Variants in CDH13 observed in about 807,000 individuals in gnomAD.
The protein encoded by CDH13 is cadherin-13.
Under a neutral mutation model 63.8 loss-of-function variants are expected in CDH13, and 24 were observed. That is an observed-to-expected ratio of 0.38 (90% CI 0.27 to 0.53). The LOEUF (loss-of-function observed/expected upper bound fraction) is 0.53. CDH13 is among the 20% of genes least tolerant of loss of function. CDH13 has a pLI of 0.85. For synonymous variants in CDH13, 503 were observed against 355.3 expected, an observed-to-expected ratio of 1.42 and a Z score of -4.67; for missense variants, 1,049 against 903.1, an observed-to-expected ratio of 1.16 and a Z score of -2.07.
At chr16:83,485,892 C>T (rs1162461220) in intron 6 of CDH13, among the ~76,000 whole-genome samples, 1 of 152,164 alleles carries the variant, frequency 6.6e-6, no homozygotes, top group African/African-American at 2.4e-5. Flanking sequence ...CTTGTAATCC[C>T]AGCACCCTTG....
chr16:83,601,396 C>G (rs1318105741), intron 7 of CDH13, among the ~76,000 whole-genome samples: 4 of 152,148 alleles, frequency 2.6e-5, no homozygotes, highest in African/African-American at 9.7e-5. Flanking sequence ...AAATCTTTGT[C>G]AAATATTGAG....
chr16:83,483,368 G>A (rs17758876), intron 6 of CDH13, among the ~76,000 whole-genome samples: 2 of 151,884 alleles, frequency 1.3e-5, no homozygotes, highest in Admixed American at 6.6e-5. Flanking sequence ...AATATTCCAG[G>A]ATAATTTTGT....
At position 83,366,145 on chromosome 16, in the gene CDH13, A is replaced by T. The variant is rs370397540; in HGVS notation, c.781+21139A>T. On this transcript the variant is annotated intron_variant, in intron 6 of 13. Transcript: ENST00000567109. Reference sequence around the variant, plus strand: ...TAAAGCTGCTTTTCACAACAAAATAACAGGGATTTTTTTAAAAAAGCACAC... The same window carrying T: ...TAAAGCTGCTTTTCACAACAAAATATCAGGGATTTTTTTAAAAAAGCACAC... Among the ~76,000 whole-genome samples, 576 of 152,356 alleles carry T rather than the reference A, an allele frequency of 3.8e-3. 5 individuals carry two copies. Among genetic ancestry groups the T allele is most frequent in the African/African-American group, 0.013 (559 of 41,584 alleles).
intron 4 of CDH13, among the ~76,000 whole-genome samples, chr16:83,188,128 C>T (rs963546770): frequency 1.3e-5 from 2 of 152,160 alleles, no homozygotes; most frequent in African/African-American, 2.4e-5. Context: ...GGCCTTTATT[C>T]TAATTGAGTG....
chr16:83,349,036 A>T (rs1207627738), intron 6 of CDH13, among the ~76,000 whole-genome samples: 2 of 152,160 alleles, frequency 1.3e-5, no homozygotes, highest in Non-Finnish European at 2.9e-5. Flanking sequence ...AAGGAAGGTC[A>T]CCCATATTTA....
rs574244656 is a variant in CDH13, at chr16:82,627,726, A to G, written c.45+589A>G. Among the ~76,000 whole-genome samples the G allele has an allele frequency of 5.3e-5, 8 of 152,084 alleles. No individual in the cohort carries two copies. In the South Asian group the frequency reaches 1.2e-3, roughly 24 times the overall value. ...CTCAGCCCGGCTGCTGCTGTCGCTCAAAGGCGCCGGCGCCGGCCGCACCCG... is the reference window on the plus strand; with the variant it reads ...CTCAGCCCGGCTGCTGCTGTCGCTCGAAGGCGCCGGCGCCGGCCGCACCCG... On this transcript the variant is annotated intron_variant, in intron 1 of 13. Coordinates refer to ENST00000567109, the MANE Select transcript of CDH13 (RefSeq NM_001257.5).
intron 4 of CDH13, among the ~76,000 whole-genome samples, chr16:83,126,955 C>T (rs2035838648): frequency 6.6e-6 from 1 of 151,870 alleles, no homozygotes; most frequent in African/African-American, 2.4e-5. Flanking sequence ...GAGCAAATGG[C>T]AGGATGAAGG....
chr16:83,432,751 G>A (rs2072160246), intron 6 of CDH13, among the ~76,000 whole-genome samples: 1 of 152,144 alleles, frequency 6.6e-6, no homozygotes, highest in Admixed American at 6.5e-5. Flanking sequence ...AGGCAGCTGG[G>A]TCTCTGAGAT....
Position 82,635,930 on chromosome 16 carries a change from C to T in CDH13, c.45+8793C>T, listed in dbSNP as rs78656059. On this transcript the variant is annotated intron_variant, in intron 1 of 13. Transcript: ENST00000567109. ...CTCTCTCCTGCTTGCTGTGTGAAGA[C>T]GTGCCTCCTTCGCCTTCCCCTTCTG... Among the ~76,000 whole-genome samples, 991 of 152,106 alleles carry T rather than the reference C, an allele frequency of 6.5e-3. 9 individuals carry two copies. The highest frequency in any genetic ancestry group is 0.023 in the African/African-American group (952 of 41,486).
chr16:82,870,974 G>T (rs1257043100), intron 2 of CDH13, among the ~76,000 whole-genome samples: 1 of 152,124 alleles, frequency 6.6e-6, no homozygotes, highest in Middle Eastern at 3.2e-3. Flanking sequence ...TGTCCCACAT[G>T]GGCATCTAAA....
Position 83,486,529 on chromosome 16 carries a change from T to C in CDH13, c.834T>C (p.Asp278=), listed in dbSNP as rs1187239594. The change falls in exon 7 of 14, where the codon GAT becomes GAC. Residue 278 remains aspartate (D), a synonymous_variant. Coordinates refer to ENST00000567109, the MANE Select transcript of CDH13 (RefSeq NM_001257.5). ...TTGATGCAGATGACCCAGCCACCGA[T>C]AATGCCCTCCTGCGGTATAATATCC... ...TAFDADDPAT[D]NALLRYNIRQ... The C allele has an allele frequency of 6.2e-7, 1 of 1,613,800 alleles. No individual in the cohort carries two copies. The highest frequency in any genetic ancestry group is 1.7e-5 in the Admixed American group (1 of 60,004).
In CDH13 at chr16:83,008,596, A is replaced by C. The variant is rs1421470933; in HGVS notation, c.158-23414A>C. ...GTGGTTTTCAGTAGACGAGTGACAC[A>C]AACATAATGTTATACTTGGACCTTT... is the stretch of plus-strand genomic sequence containing the variant. On this transcript the variant is annotated intron_variant, in intron 2 of 13. Transcript: ENST00000567109. Among the ~76,000 whole-genome samples the C allele has an allele frequency of 2.0e-5, 3 of 152,196 alleles. No homozygotes were observed. The East Asian group carries it at 5.8e-4, about 29-fold the overall frequency.
intron 7 of CDH13, among the ~76,000 whole-genome samples, chr16:83,580,309 A>C (rs1270009999): frequency 6.6e-6 from 1 of 152,124 alleles, no homozygotes; most frequent in Admixed American, 6.5e-5. Flanking sequence ...GGTAGTGAGA[A>C]TAGAAAGAAG....
chr16:83,514,804 G>A (rs1209472423), intron 7 of CDH13, among the ~76,000 whole-genome samples: 2 of 152,166 alleles, frequency 1.3e-5, no homozygotes, highest in African/African-American at 2.4e-5. Flanking sequence ...TAGAGGCCGG[G>A]AACAGATGTT....
intron 2 of CDH13, among the ~76,000 whole-genome samples, chr16:82,945,075 CT>C (rs1904552685): frequency 6.6e-6 from 1 of 152,120 alleles, no homozygotes; most frequent in African/African-American, 2.4e-5. Context: ...AGTCATTATA[CT>C]TTTTGTTATC....
intron 2 of CDH13, among the ~76,000 whole-genome samples, chr16:82,969,764 A>G (rs560765304): frequency 4.0e-5 from 6 of 151,854 alleles, no homozygotes; most frequent in African/African-American, 1.4e-4. Flanking sequence ...ATATTTTTAA[A>G]TTTTTCTTTA....
chr16:82,735,262 G>C (rs533643752), intron 1 of CDH13, among the ~76,000 whole-genome samples: 1 of 152,182 alleles, frequency 6.6e-6, no homozygotes, highest in Non-Finnish European at 1.5e-5. Context: ...ATTTTCCAGG[G>C]TGTACAGAAG....
At chr16:82,844,686 C>A (rs1446423247) in intron 1 of CDH13, 2 of 135,150 alleles carry the variant, frequency 1.5e-5, no homozygotes, top group African/African-American at 5.6e-5. Context: ...GTCACCCAGG[C>A]TGGAGTGCGG....
intron 10 of CDH13, among the ~76,000 whole-genome samples, chr16:83,738,971 T>C (rs951921782): frequency 1.3e-5 from 2 of 152,192 alleles, no homozygotes. Flanking sequence ...GTAGAATTTG[T>C]TCTTATTCAC....
Sources: gnomAD v4.1 joint callset for allele counts (sites outside exome capture counted in the v4.1 genomes callset) on GRCh38, gnomAD v4.1.1 for gene constraint, MANE v1.5 for transcripts, NCBI Gene and HGNC (gene_info 2026-07-23, HGNC 2026-07-21) for gene names.